DGKB: variants seen among roughly 807,000 people sequenced by gnomAD.
The protein encoded by DGKB is 90 kDa diacylglycerol kinase.
DGKB carries 67 observed loss-of-function variants against 114.3 expected under a neutral mutation model. The ratio of observed to expected loss-of-function variants is 0.59; its 90% CI spans 0.48 to 0.72. The LOEUF is 0.72. Ranked by LOEUF, DGKB falls within the 30% of genes least tolerant of loss-of-function variation. The pLI is 0.00. For synonymous variants in DGKB, 398 were observed against 323.1 expected, an observed-to-expected ratio of 1.23 and a Z score of -2.49; for missense variants, 907 against 975.2, an observed-to-expected ratio of 0.93 and a Z score of 0.93.
At chr7:14,248,691 A>C (rs2128385362) in intron 23 of DGKB, among the ~76,000 whole-genome samples, 2 of 152,126 alleles carry the variant, frequency 1.3e-5, no homozygotes, top group East Asian at 1.9e-4. Context: ...TTGTGTGTTC[A>C]TTATGTATAC....
At chr7:14,353,144 C>G (rs1049145279) in intron 21 of DGKB, among the ~76,000 whole-genome samples, 19 of 151,968 alleles carry the variant, frequency 1.3e-4, no homozygotes, top group Admixed American at 2.6e-4. Context: ...GCTTTTTTCC[C>G]AAATGTCTCT....
Position 14,458,263 on chromosome 7 carries a change from A to C in DGKB, c.1835+19898T>G, listed in dbSNP as rs1174017236. On this transcript the variant is annotated intron_variant, in intron 21 of 25. Transcript: ENST00000402815. ...TAAATTAAAAATTTAATAAATTCTT[A>C]TGACTACATAATAAGTGAACCATCT... 3.3e-5 allele frequency among the ~76,000 whole-genome samples: 5 copies of C among 152,208 alleles called. No homozygotes were observed. In the East Asian group the frequency reaches 9.6e-4, roughly 29 times the overall value.
chr7:14,658,541 T>C (rs1041222018), intron 13 of DGKB, among the ~76,000 whole-genome samples: 43 of 151,874 alleles, frequency 2.8e-4, no homozygotes, highest in African/African-American at 1.0e-3. Flanking sequence ...TTTCACACAT[T>C]GTATGTTTCA....
intron 19 of DGKB, among the ~76,000 whole-genome samples, chr7:14,576,132 C>A (rs6948376): frequency 2.6e-5 from 4 of 151,832 alleles, no homozygotes; most frequent in Non-Finnish European, 5.9e-5. Context: ...GAGATTGGGT[C>A]TATTCAGGGT....
intron 21 of DGKB, among the ~76,000 whole-genome samples, chr7:14,368,327 T>C (rs1343105693): frequency 6.6e-6 from 1 of 152,180 alleles, no homozygotes; most frequent in African/African-American, 2.4e-5. Flanking sequence ...CTTTATAGTA[T>C]CACACAGAAT....
Position 14,651,192 on chromosome 7 carries a change from A to C in DGKB, c.1135-20924T>G, listed in dbSNP as rs1007946974. Among the ~76,000 whole-genome samples the C allele has an allele frequency of 5.0e-3, 768 of 152,156 alleles. 3 individuals are homozygous for C. The highest frequency in any genetic ancestry group is 0.016 in the African/African-American group (657 of 41,506). On this transcript the variant is annotated intron_variant, in intron 13 of 25. Coordinates refer to ENST00000402815, the MANE Select transcript of DGKB (RefSeq NM_001350709.2). ...TACCAAAGCCAGGCAGAGACACAAC[A>C]AAAAAAGAGAATTTTAGACCAATAT...
rs568160027 is a variant in DGKB, at chr7:14,948,907, C to T, written c.-188+25789G>A. ...AGAAAAATAAAGAAATAGAAATATG[C>T]CAAAAGATTTGCATTTAAAAAATCA... On this transcript the variant is annotated intron_variant, in intron 1 of 4. Coordinates refer to the DGKB transcript ENST00000437998. Among the ~76,000 whole-genome samples, 449 of 151,164 alleles carry T rather than the reference C, an allele frequency of 3.0e-3. 5 individuals are homozygous for T. The highest frequency in any genetic ancestry group is 0.021 in the Middle Eastern group (6 of 290).
chr7:14,738,090 T>G (rs1006008283), intron 4 of DGKB, among the ~76,000 whole-genome samples: 1 of 152,198 alleles, frequency 6.6e-6, no homozygotes, highest in East Asian at 1.9e-4. Context: ...GGGATCCAAA[T>G]AGTTTCCTTG....
chr7:14,742,936 A>G (rs1208676698), intron 4 of DGKB, among the ~76,000 whole-genome samples: 1 of 152,200 alleles, frequency 6.6e-6, no homozygotes, highest in Non-Finnish European at 1.5e-5. Context: ...TAGTTGTGGA[A>G]GGTTTCTAAA....
At chr7:14,479,486 T>A (rs571896722) in intron 20 of DGKB, among the ~76,000 whole-genome samples, 4 of 152,210 alleles carry the variant, frequency 2.6e-5, no homozygotes, top group South Asian at 4.1e-4. Flanking sequence ...GATAGAGGTG[T>A]ATAGAAACAA....
chr7:14,299,234 G>C (rs1466324385), intron 23 of DGKB, among the ~76,000 whole-genome samples: 2 of 152,058 alleles, frequency 1.3e-5, no homozygotes, highest in South Asian at 2.1e-4. Context: ...AGTAGAAGCA[G>C]ATAGAAAAAG....
At chr7:14,875,605 G>C (rs1410935813) in intron 1 of DGKB, among the ~76,000 whole-genome samples, 1 of 152,144 alleles carries the variant, frequency 6.6e-6, no homozygotes, top group Non-Finnish European at 1.5e-5. Context: ...GTAATTATCA[G>C]TGAAGATCAT....
At chr7:14,346,864 A>G (rs886374229) in intron 21 of DGKB, among the ~76,000 whole-genome samples, 12 of 152,046 alleles carry the variant, frequency 7.9e-5, no homozygotes, top group Non-Finnish European at 1.3e-4. Flanking sequence ...TGGTTTATAC[A>G]AAGAGGTCTG....
chr7:14,520,389 T>A lies in DGKB; in HGVS notation c.1771-42164A>T, dbSNP rs192095418. On this transcript the variant is annotated intron_variant, in intron 20 of 25. Transcript: ENST00000402815. The stretch of plus-strand genomic sequence containing the variant: ...TTCTGCTTTAGATTTAGTTTGCTTT[T>A]CTTTTTATGATTTTTAAGGTATAAA... Among the ~76,000 whole-genome samples, 381 of 151,858 alleles carry A rather than the reference T, an allele frequency of 2.5e-3. 1 individual carries two copies. The highest frequency in any genetic ancestry group is 8.6e-3 in the African/African-American group (359 of 41,532).
chr7:14,436,290 T>C (rs1422385517), intron 21 of DGKB, among the ~76,000 whole-genome samples: 2 of 152,212 alleles, frequency 1.3e-5, no homozygotes, highest in Non-Finnish European at 2.9e-5. Context: ...AAGATTATTG[T>C]CTATTTATTT....
At chr7:14,865,323 A>T (rs1028096351) in intron 1 of DGKB, among the ~76,000 whole-genome samples, 3 of 152,152 alleles carry the variant, frequency 2.0e-5, no homozygotes, top group Non-Finnish European at 2.9e-5. Flanking sequence ...AAACTATCTC[A>T]TAGGAATGAA....
chr7:14,825,531 G>T (rs767959217), intron 2 of DGKB, among the ~76,000 whole-genome samples: 20 of 152,166 alleles, frequency 1.3e-4, no homozygotes, highest in Non-Finnish European at 2.2e-4. Flanking sequence ...AATAGGGTTT[G>T]TGCTCCCGTG....
intron 21 of DGKB, among the ~76,000 whole-genome samples, chr7:14,423,526 G>A (rs950484450): frequency 1.3e-5 from 2 of 151,996 alleles, no homozygotes; most frequent in East Asian, 1.9e-4. Context: ...CTAAGTGCAC[G>A]TACATTTTTA....
At chr7:14,562,793 G>C (rs974189142) in intron 20 of DGKB, among the ~76,000 whole-genome samples, 3 of 152,138 alleles carry the variant, frequency 2.0e-5, no homozygotes, top group Non-Finnish European at 4.4e-5. Flanking sequence ...GACTTGCCTT[G>C]TTTTAGATTA....
Sources: allele counts gnomAD v4.1 joint callset (sites outside exome capture counted in the v4.1 genomes callset), GRCh38; gene constraint gnomAD v4.1.1; transcripts MANE v1.5; gene names NCBI Gene and HGNC (gene_info 2026-07-23, HGNC 2026-07-21).